Variants in AGBL1 observed in about 807,000 individuals in gnomAD.
AGBL1 encodes the protein AGBL carboxypeptidase 1.
In AGBL1, 130 loss-of-function variants were observed where a neutral mutation model predicts 118.9. The observed-to-expected ratio is 1.09, with a 90% confidence interval of 0.95 to 1.26. The LOEUF (loss-of-function observed/expected upper bound fraction) is 1.26, where lower values mean the gene tolerates loss of function less well. Ranked by LOEUF, AGBL1 falls within the 50% of genes most tolerant of loss-of-function variation. The pLI, the probability that AGBL1 is intolerant of heterozygous loss-of-function variation, is 0.00. For synonymous variants in AGBL1, 555 were observed against 478.9 expected (o/e 1.16, Z -2.08); for missense variants, 1,584 against 1,298.1 (o/e 1.22, Z -3.38).
At chr15:86,262,077 G>GTTTTTTTTTTTTTTTTTTTT (rs1491268138) in intron 9 of AGBL1, among the ~76,000 whole-genome samples, 4 of 3,496 alleles carry the variant, frequency 1.1e-3, no homozygotes, top group Non-Finnish European at 2.6e-3. Flanking sequence ...TGCATAGCTG[G>GTTTTTTTTTTTTTTTTTTTT]CTTTTTTTTT....
chr15:86,297,833 C>T (rs1478772640), intron 17 of AGBL1, among the ~76,000 whole-genome samples: 1 of 152,108 alleles, frequency 6.6e-6, no homozygotes, highest in Non-Finnish European at 1.5e-5. Context: ...AGACTCCACA[C>T]ACACAACAAA....
intron 22 of AGBL1, among the ~76,000 whole-genome samples, chr15:86,729,424 A>G (rs1460617560): frequency 6.6e-6 from 1 of 152,014 alleles, no homozygotes; most frequent in East Asian, 1.9e-4. Context: ...TTTTCAACCT[A>G]CCCTGCTTTC....
intron 24 of AGBL1, among the ~76,000 whole-genome samples, chr15:87,006,260 C>T (rs1339989637): frequency 6.6e-6 from 1 of 152,192 alleles, no homozygotes; most frequent in Non-Finnish European, 1.5e-5. Context: ...TTTCTGCTGC[C>T]TTTTGTTTAG....
intron 18 of AGBL1, among the ~76,000 whole-genome samples, chr15:86,458,491 C>G (rs113744232): frequency 3.9e-5 from 6 of 152,172 alleles, no homozygotes; most frequent in African/African-American, 1.4e-4. Context: ...CCATTCATTC[C>G]ACGGTAGTCA....
chr15:86,773,093 T>G (rs542402502), intron 22 of AGBL1, among the ~76,000 whole-genome samples: 7 of 152,200 alleles, frequency 4.6e-5, no homozygotes, highest in Admixed American at 4.6e-4. Context: ...TCTTGATTCT[T>G]GGCTTTTTGT....
intron 21 of AGBL1, among the ~76,000 whole-genome samples, chr15:86,611,033 T>C (rs28720088): frequency 0.33 from 49,687 of 152,108 alleles, 9,881 homozygotes; most frequent in Middle Eastern, 0.43. Context: ...GACCTCCAGA[T>C]GATCCTGATG....
At chr15:86,904,325 T>C (rs1193772669) in intron 22 of AGBL1, among the ~76,000 whole-genome samples, 2 of 151,780 alleles carry the variant, frequency 1.3e-5, no homozygotes, top group African/African-American at 4.8e-5. Flanking sequence ...CCATCCACGT[T>C]TCAGTGTCTT....
intron 18 of AGBL1, among the ~76,000 whole-genome samples, chr15:86,520,620 T>C (rs902117177): frequency 6.6e-6 from 1 of 152,212 alleles, no homozygotes; most frequent in African/African-American, 2.4e-5. Context: ...TCATACAGAA[T>C]TGCTGGCTGC....
At position 86,164,778 on chromosome 15, in the gene AGBL1, T is replaced by A. The variant is rs140431294; in HGVS notation, c.488+5752T>A. Among the ~76,000 whole-genome samples, 1,275 of 152,234 alleles carry A rather than the reference T, an allele frequency of 8.4e-3. 18 individuals are homozygous for A. Among genetic ancestry groups the A allele is most frequent in the African/African-American group, 0.028 (1,160 of 41,548 alleles). The stretch of plus-strand genomic sequence containing the variant: ...TTGGATCTTCCTAGCAGAGACCAGG[T>A]CTTGAAGCCCATTGTATTCTCTGAC... On this transcript the variant is annotated intron_variant, in intron 5 of 22. Coordinates refer to ENST00000614907, the MANE Select transcript of AGBL1 (RefSeq NM_001386094.1).
chr15:86,349,015 A>G (rs906680552), intron 17 of AGBL1, among the ~76,000 whole-genome samples: 1 of 152,230 alleles, frequency 6.6e-6, no homozygotes, highest in Non-Finnish European at 1.5e-5. Context: ...AACTTTGGAC[A>G]TGGAGACACA....
Position 86,567,743 on chromosome 15 carries a change from A to G in AGBL1, c.2994+13206A>G, listed in dbSNP as rs114718243. Among the ~76,000 whole-genome samples, 581 of 152,306 alleles carry G rather than the reference A, an allele frequency of 3.8e-3. 9 individuals carry two copies. Among genetic ancestry groups the G allele is most frequent in the African/African-American group, 0.013 (556 of 41,556 alleles). Reference sequence around the variant, plus strand: ...AGGACCACCTCAAACCTTAGTGTGCATGAGAATCACTTGTGGAGTTTAGAA... The same window carrying G: ...AGGACCACCTCAAACCTTAGTGTGCGTGAGAATCACTTGTGGAGTTTAGAA... On this transcript the variant is annotated intron_variant, in intron 21 of 22. Coordinates refer to ENST00000614907, the MANE Select transcript of AGBL1 (RefSeq NM_001386094.1).
At chr15:86,201,354 G>T (rs1414860804) in intron 5 of AGBL1, among the ~76,000 whole-genome samples, 3 of 152,206 alleles carry the variant, frequency 2.0e-5, no homozygotes, top group Non-Finnish European at 2.9e-5. Context: ...AGGCAACCTT[G>T]GGTAGGATGT....
chr15:86,611,827 G>A (rs1036565734), intron 21 of AGBL1, among the ~76,000 whole-genome samples: 1 of 152,134 alleles, frequency 6.6e-6, no homozygotes, highest in African/African-American at 2.4e-5. Flanking sequence ...CTCAGAGGCG[G>A]AAGTTTACTG....
intron 24 of AGBL1, among the ~76,000 whole-genome samples, chr15:87,005,095 T>C (rs534803827): frequency 6.6e-6 from 1 of 152,316 alleles, no homozygotes; most frequent in Non-Finnish European, 1.5e-5. Flanking sequence ...GTGGGTAATC[T>C]GACCTTTCTC....
intron 16 of AGBL1, among the ~76,000 whole-genome samples, chr15:86,292,365 A>G (rs1180261531): frequency 6.6e-6 from 1 of 152,158 alleles, no homozygotes; most frequent in African/African-American, 2.4e-5. Flanking sequence ...GGTGACCTCT[A>G]GAAGCTAGAA....
At chr15:86,447,336 GA>G (rs1268561668) in intron 18 of AGBL1, among the ~76,000 whole-genome samples, 2 of 152,166 alleles carry the variant, frequency 1.3e-5, no homozygotes, top group Non-Finnish European at 2.9e-5. Context: ...GTGAGCCGCG[GA>G]ATTGTAGTGG....
At chr15:86,233,486 C>T (rs1444584285) in intron 6 of AGBL1, among the ~76,000 whole-genome samples, 2 of 151,826 alleles carry the variant, frequency 1.3e-5, no homozygotes, top group Non-Finnish European at 2.9e-5. Flanking sequence ...CATGACTTGT[C>T]CTTTGCCCCT....
At chr15:86,192,156 GCA>G (rs572669407) in intron 5 of AGBL1, among the ~76,000 whole-genome samples, 1 of 150,172 alleles carries the variant, frequency 6.7e-6, no homozygotes, top group African/African-American at 2.4e-5. Context: ...GCATGCACGT[GCA>G]CACACACACA....
In AGBL1 at chr15:86,338,572, G is replaced by C. The variant is rs117216518; in HGVS notation, c.2374+43164G>C. ...CTTTGCTCTGATCCAGGAAAGCATA[G>C]TGGTAACTTTGAACAGAACCACAAA... On this transcript the variant is annotated intron_variant, in intron 17 of 22. Coordinates refer to ENST00000614907, the MANE Select transcript of AGBL1 (RefSeq NM_001386094.1). 2.1e-3 allele frequency among the ~76,000 whole-genome samples: 316 copies of C among 152,316 alleles called. 1 individual carries two copies. The highest frequency in any genetic ancestry group is 4.0e-3 in the Non-Finnish European group (272 of 68,034).
Sources: allele counts gnomAD v4.1 joint callset (sites outside exome capture counted in the v4.1 genomes callset), GRCh38; gene constraint gnomAD v4.1.1; transcripts MANE v1.5; gene names NCBI Gene and HGNC (gene_info 2026-07-23, HGNC 2026-07-21).